Variants in MASP2 observed in about 807,000 individuals in gnomAD.
The protein encoded by MASP2 is mannan-binding lectin serine protease 2.
A neutral mutation model predicts 57.1 loss-of-function variants in MASP2; 49 were observed. The ratio of observed to expected loss-of-function variants is 0.86; its 90% CI spans 0.68 to 1.09. MASP2 has a LOEUF of 1.09. Ranked by LOEUF, MASP2 falls within the 50% of genes least tolerant of loss-of-function variation. The pLI is 0.00. For synonymous variants in MASP2, 379 were observed against 340.8 expected (o/e 1.11, Z -1.24); for missense variants, 900 against 874.8 (o/e 1.03, Z -0.36).
Position 11,030,087 on chromosome 1 carries a change from G to T in MASP2, c.1297+89C>A. On this transcript the variant is annotated intron_variant, in intron 10 of 10. Transcript: ENST00000400897. ...AGCCAAGTGCTGAAGTTACATTTCT[G>T]CCTACCACAGCTAAAGCTCTCCTCA... The T allele has an allele frequency of 3.3e-6, 3 of 895,916 alleles. No individual in the cohort carries two copies. In the South Asian group the frequency reaches 4.6e-5, roughly 14 times the overall value. 55.5% of individuals were successfully genotyped at this position (895,916 alleles called of 1,614,324 possible).
At chr1:11,030,695 G>T (rs958819707) in intron 9 of MASP2, 53 bp downstream of exon 9, 2 of 1,533,352 alleles carry the variant, frequency 1.3e-6, no homozygotes, top group East Asian at 2.3e-5. Context: ...TTCAGACCAT[G>T]GGGGCTCAAG....
intron 7 of MASP2, among the ~76,000 whole-genome samples, chr1:11,036,750 C>T (rs892800845): frequency 4.0e-5 from 6 of 150,284 alleles, no homozygotes; most frequent in Admixed American, 2.7e-4. Context: ...ATAAAGAGGA[C>T]GTGTTAATTT....
In MASP2 at chr1:11,045,448, G is replaced by A. The variant is rs758813052; in HGVS notation, c.504C>T (p.Arg168=). Residue 168 remains arginine (R), a synonymous_variant, in exon 4 of 11, where the codon CGC becomes CGT. Coordinates refer to ENST00000400897, the MANE Select transcript of MASP2 (RefSeq NM_006610.4). ...TGTTACGGTGCAGGACGTAGCCTGC[G>A]CGGCAGGAGCAGTAGAAACCGCCCA... ...NHLGGFYCSC[R]AGYVLHRNKR... 41 of 1,613,118 alleles carry A rather than the reference G, an allele frequency of 2.5e-5. No homozygotes were observed. The highest frequency in any genetic ancestry group is 1.3e-4 in the South Asian group (12 of 91,092).
chr1:11,029,764 G>A (rs1257073962), intron 10 of MASP2: 3 of 151,240 alleles, frequency 2.0e-5, no homozygotes, highest in Non-Finnish European at 4.3e-5. Context: ...TCAGCCGCTC[G>A]AGTAGCTGGG....
At chr1:11,035,850 C>T (rs542022210) in intron 7 of MASP2, among the ~76,000 whole-genome samples, 2 of 132,284 alleles carry the variant, frequency 1.5e-5, no homozygotes, top group South Asian at 2.5e-4. Flanking sequence ...GAGCTGTGAT[C>T]GTGCCACTGC....
intron 7 of MASP2, among the ~76,000 whole-genome samples, chr1:11,037,462 T>TAA (rs1557671450): frequency 6.6e-6 from 1 of 152,132 alleles, no homozygotes; most frequent in African/African-American, 2.4e-5. Flanking sequence ...AATTTAAAGT[T>TAA]AAGTATAAAG....
chr1:11,031,929 ATTC>A (rs1643853174), intron 8 of MASP2, among the ~76,000 whole-genome samples: 1 of 152,136 alleles, frequency 6.6e-6, no homozygotes, highest in Admixed American at 6.5e-5. Context: ...AATTCAGCTT[ATTC>A]TTCTGATCCT....
intron 4 of MASP2, 105 bp from the exon 5 acceptor site, chr1:11,043,640 T>C: frequency 1.3e-6 from 1 of 759,440 alleles, no homozygotes; most frequent in East Asian, 2.8e-5. Flanking sequence ...GACAGGGATG[T>C]GGCTGGGACA....
intron 2 of MASP2, 35 bp downstream of exon 2, chr1:11,046,856 C>G (rs902308795): frequency 1.3e-6 from 2 of 1,552,218 alleles, no homozygotes; most frequent in African/African-American, 2.7e-5. Flanking sequence ...ACCCCCCGAC[C>G]CTGAGAAACC....
At chr1:11,036,944 A>C (rs1416247031) in intron 7 of MASP2, among the ~76,000 whole-genome samples, 3 of 152,178 alleles carry the variant, frequency 2.0e-5, no homozygotes, top group African/African-American at 7.2e-5. Flanking sequence ...AATTTGATGC[A>C]AGACTGGGCA....
chr1:11,035,887 C>T (rs1239380362), intron 7 of MASP2, among the ~76,000 whole-genome samples: 1 of 93,166 alleles, frequency 1.1e-5, no homozygotes, highest in Non-Finnish European at 2.0e-5. Flanking sequence ...CAAAGTGAGA[C>T]CCTGTCCAAA....
intron 2 of MASP2, 52 bp downstream of exon 2, chr1:11,046,839 C>T: frequency 6.5e-7 from 1 of 1,550,190 alleles, no homozygotes. Context: ...CTGGCTACTC[C>T]TTGGGGACCC....
chr1:11,037,203 C>T (rs550791900), intron 7 of MASP2, among the ~76,000 whole-genome samples: 23 of 152,078 alleles, frequency 1.5e-4, no homozygotes, highest in African/African-American at 5.1e-4. Context: ...CAGGCGCCCG[C>T]CACCTAATAA....
At chr1:11,034,807 G>C in intron 8 of MASP2, 21 bp downstream of exon 8, 1 of 1,588,310 alleles carries the variant, frequency 6.3e-7, no homozygotes, top group South Asian at 1.1e-5. Flanking sequence ...TATGGGGCCT[G>C]TAGTCACCAC....
At position 11,045,517 on chromosome 1, in the gene MASP2, G is replaced by T. The variant is rs749538988; in HGVS notation, c.435C>A (p.Ala145=). 5.0e-6 allele frequency: 8 copies of T among 1,608,138 alleles called. No homozygotes were observed. Among genetic ancestry groups the T allele is most frequent in the Non-Finnish European group, 6.8e-6 (8 of 1,178,660 alleles). The change falls in exon 4 of 11, where the codon GCC becomes GCA. Residue 145 remains alanine (A), a synonymous_variant. Coordinates refer to ENST00000400897, the MANE Select transcript of MASP2 (RefSeq NM_006610.4). ...AAEDIDECQV[A]PGEAPTCDHH... is the part of the protein sequence containing the mutation. ...GGTCGCAGGTGGGCGCCTCTCCCGGGGCCACCTGGCACTCGTCAATGTCTG... is the reference window on the plus strand; with the variant it reads ...GGTCGCAGGTGGGCGCCTCTCCCGGTGCCACCTGGCACTCGTCAATGTCTG...
intron 7 of MASP2, among the ~76,000 whole-genome samples, chr1:11,035,557 T>TATC (rs56375560): frequency 3.5e-4 from 52 of 150,244 alleles, no homozygotes; most frequent in Non-Finnish European, 1.2e-4. Flanking sequence ...ATCATCATCA[T>TATC]ATCTCAACAT....
chr1:11,043,682 G>C lies in MASP2; in HGVS notation c.545-147C>G. 8.0e-6 allele frequency: 5 copies of C among 624,342 alleles called. No homozygotes were observed. In the South Asian group the frequency reaches 1.0e-4, roughly 13 times the overall value. 38.7% of individuals were successfully genotyped at this position (624,342 alleles called of 1,614,324 possible). A position where few individuals can be genotyped will look rare whatever the true frequency, so the allele number is the denominator to read the frequency against. On this transcript the variant is annotated intron_variant, in intron 4 of 10. Transcript: ENST00000400897. ...TCCCTGGGTTGGGCTGGGCCCTGCAGGTGGCCAGCCCCTGAGGCCTACCCA... is the reference window on the plus strand; with the variant it reads ...TCCCTGGGTTGGGCTGGGCCCTGCACGTGGCCAGCCCCTGAGGCCTACCCA...
chr1:11,029,168 ATT>A (rs145611326), intron 10 of MASP2, among the ~76,000 whole-genome samples: 211 of 143,698 alleles, frequency 1.5e-3, no homozygotes, highest in South Asian at 2.4e-3. Context: ...AATTTTTTGT[ATT>A]TTTTTTTTTT....
Position 11,043,470 on chromosome 1 carries a change from G to C in MASP2, c.610C>G (p.Pro204Ala), listed in dbSNP as rs1638524343. 1 of 1,609,946 alleles carries C rather than the reference G, an allele frequency of 6.2e-7. No individual in the cohort carries two copies. The highest frequency in any genetic ancestry group is 1.1e-5 in the South Asian group (1 of 90,140). The change falls in exon 5 of 11, where the codon CCG (proline) becomes GCG (alanine). Residue 204 changes from proline to alanine, a missense_variant. Physicochemically the swap from Pro to Ala is conservative, Grantham distance 27. Coordinates refer to ENST00000400897, the MANE Select transcript of MASP2 (RefSeq NM_006610.4). The part of the protein sequence containing the change: ...GELSSPEYPR[P>A]YPKLSSCTYS... ...GTGCAACTGGAGAGTTTGGGATACG[G>C]CCGTGGGTATTCAGGGCTGCTGAGC...
Sources: allele counts gnomAD v4.1 joint callset (sites outside exome capture counted in the v4.1 genomes callset), GRCh38; gene constraint gnomAD v4.1.1; transcripts MANE v1.5; gene names NCBI Gene and HGNC (gene_info 2026-07-23, HGNC 2026-07-21).